CHN2: variants seen among roughly 807,000 people sequenced by gnomAD.
The protein encoded by CHN2 is beta-chimaerin.
A neutral mutation model predicts 56.3 loss-of-function variants in CHN2; 35 were observed. The ratio of observed to expected loss-of-function variants is 0.62; its 90% CI spans 0.47 to 0.82. The LOEUF (loss-of-function observed/expected upper bound fraction) is 0.82, where lower values mean the gene tolerates loss of function less well. Ranked by LOEUF, CHN2 falls within the 40% of genes least tolerant of loss-of-function variation. The pLI is 0.00. For synonymous variants in CHN2, 210 were observed against 212.8 expected (o/e 0.99, Z 0.12); for missense variants, 491 against 580.5 (o/e 0.85, Z 1.58).
upstream of CHN2, chr7:29,194,743 A>G (rs1783409387): frequency 2.2e-6 from 1 of 452,274 alleles, no homozygotes; most frequent in Admixed American, 4.5e-5. Flanking sequence ...CGGAAACCAC[A>G]AATAAATAGC....
chr7:29,511,162 A>ATAAACAGTAGGTATTGAGATTTTTATT (rs58171641), intron 12 of CHN2, among the ~76,000 whole-genome samples: 135,098 of 149,166 alleles, frequency 0.91, 61,268 homozygotes, highest in Non-Finnish European at 0.94. Flanking sequence ...GGAGGACTGT[A>ATAAACAGTAGGTATTGAGATTTTTATT]TAAACAGTAG....
chr7:29,374,655 CCA>C (rs1341040077), intron 3 of CHN2, among the ~76,000 whole-genome samples: 1 of 151,964 alleles, frequency 6.6e-6, no homozygotes, highest in East Asian at 1.9e-4. Flanking sequence ...CTGGAGAGGG[CCA>C]CCAGAGAACA....
At chr7:29,442,618 G>T (rs1223994398) in intron 6 of CHN2, among the ~76,000 whole-genome samples, 1 of 152,138 alleles carries the variant, frequency 6.6e-6, no homozygotes, top group Non-Finnish European at 1.5e-5. Flanking sequence ...CCAGGTTTCA[G>T]TGTGCACACA....
chr7:29,376,738 G>A (rs991604058), intron 3 of CHN2, among the ~76,000 whole-genome samples: 3 of 152,212 alleles, frequency 2.0e-5, no homozygotes, highest in African/African-American at 4.8e-5. Flanking sequence ...TTCAGTGTAG[G>A]CACCCATAGC....
chr7:29,456,120 T>C (rs1562621133), intron 6 of CHN2, among the ~76,000 whole-genome samples: 1 of 152,218 alleles, frequency 6.6e-6, no homozygotes, highest in African/African-American at 2.4e-5. Context: ...GTCTGACAAA[T>C]GCTTGCCCTT....
intron 6 of CHN2, among the ~76,000 whole-genome samples, chr7:29,430,092 T>C (rs1782728789): frequency 6.6e-6 from 1 of 152,224 alleles, no homozygotes; most frequent in African/African-American, 2.4e-5. Flanking sequence ...AATATTTTCT[T>C]AGAGTTTAAA....
intron 1 of CHN2, among the ~76,000 whole-genome samples, chr7:29,304,324 G>C (rs931371276): frequency 5.3e-5 from 8 of 152,158 alleles, no homozygotes; most frequent in African/African-American, 1.7e-4. Context: ...TATATGGTGC[G>C]AGACGTAGCT....
chr7:29,254,420 G>A (rs1788902214), intron 1 of CHN2, among the ~76,000 whole-genome samples: 1 of 152,194 alleles, frequency 6.6e-6, no homozygotes, highest in Non-Finnish European at 1.5e-5. Flanking sequence ...GAAATTTGAG[G>A]CATGTATCTC....
intron 1 of CHN2, among the ~76,000 whole-genome samples, chr7:29,241,873 C>T (rs942941970): frequency 6.6e-6 from 1 of 152,008 alleles, no homozygotes; most frequent in African/African-American, 2.4e-5. Flanking sequence ...CTTTCTTCTC[C>T]CAAAATTTAT....
chr7:29,423,769 C>T (rs147351302), intron 6 of CHN2, among the ~76,000 whole-genome samples: 1 of 152,340 alleles, frequency 6.6e-6, no homozygotes, highest in Non-Finnish European at 1.5e-5. Flanking sequence ...CCTGGGCTTA[C>T]GTCTCCTTTC....
At chr7:29,420,261 C>T (rs1804200941) in intron 6 of CHN2, among the ~76,000 whole-genome samples, 3 of 152,134 alleles carry the variant, frequency 2.0e-5, no homozygotes. Flanking sequence ...CTAACAATTC[C>T]ACTTCTGGGT....
intron 1 of CHN2, among the ~76,000 whole-genome samples, chr7:29,238,260 C>A (rs776966394): frequency 5.3e-5 from 8 of 151,914 alleles, no homozygotes; most frequent in African/African-American, 1.9e-4. Flanking sequence ...CCTCAGGATC[C>A]GCCTGCCTTG....
chr7:29,275,934 A>T (rs372981035), intron 1 of CHN2, among the ~76,000 whole-genome samples: 2 of 152,128 alleles, frequency 1.3e-5, no homozygotes, highest in African/African-American at 4.8e-5. Context: ...AAGGTAAAAG[A>T]TGTGATACCT....
At chr7:29,440,679 C>T (rs890048367) in intron 6 of CHN2, among the ~76,000 whole-genome samples, 3 of 118,856 alleles carry the variant, frequency 2.5e-5, no homozygotes, top group South Asian at 2.7e-4. Flanking sequence ...AATGAGACTC[C>T]GTCTCAAAAA....
At chr7:29,236,000 C>T (rs878898019) in intron 1 of CHN2, among the ~76,000 whole-genome samples, 4 of 152,094 alleles carry the variant, frequency 2.6e-5, no homozygotes, top group Admixed American at 2.6e-4. Context: ...AGTTTGTCCG[C>T]GGAACAAACC....
intron 7 of CHN2, among the ~76,000 whole-genome samples, chr7:29,481,286 T>TA (rs1787195992): frequency 6.6e-6 from 1 of 152,208 alleles, no homozygotes; most frequent in African/African-American, 2.4e-5. Context: ...TGCTTTCTTT[T>TA]AAAAAAATTC....
rs999278010 is a variant in CHN2, at chr7:29,384,706, T to C, written c.145-8973T>C. 9.2e-5 allele frequency among the ~76,000 whole-genome samples: 14 copies of C among 152,336 alleles called. No individual in the cohort carries two copies. The East Asian group carries it at 1.3e-3, about 15-fold the overall frequency. The stretch of plus-strand genomic sequence containing the variant: ...TTTGTCAATTTGCCTTCCTCTGTTA[T>C]GATATTAATACTTATTGTGTGTAGT... On this transcript the variant is annotated intron_variant, in intron 3 of 12. Transcript: ENST00000222792.
chr7:29,322,548 G>A (rs1286173121), intron 1 of CHN2, among the ~76,000 whole-genome samples: 2 of 152,148 alleles, frequency 1.3e-5, no homozygotes, highest in African/African-American at 4.8e-5. Context: ...AATAATTGGT[G>A]TGAAAATGCC....
At chr7:29,369,600 G>C (rs775717580) in intron 3 of CHN2, among the ~76,000 whole-genome samples, 19 of 151,280 alleles carry the variant, frequency 1.3e-4, no homozygotes, top group Admixed American at 3.9e-4. Context: ...GACAGAAAAA[G>C]AGAGAGATAG....
Sources: gnomAD v4.1 joint callset for allele counts (sites outside exome capture counted in the v4.1 genomes callset) on GRCh38, gnomAD v4.1.1 for gene constraint, MANE v1.5 for transcripts, NCBI Gene and HGNC (gene_info 2026-07-23, HGNC 2026-07-21) for gene names.